NUBPL: variants seen among roughly 807,000 people sequenced by gnomAD.
The protein encoded by NUBPL is iron-sulfur cluster transfer protein NUBPL.
NUBPL carries 31 observed loss-of-function variants against 45.7 expected under a neutral mutation model. The observed-to-expected ratio is 0.68, with a 90% CI of 0.51 to 0.92. The LOEUF (loss-of-function observed/expected upper bound fraction) is 0.92. Among genes scored for constraint, NUBPL ranks in the 40% least tolerant of loss-of-function variants. The pLI is 0.00. For synonymous variants in NUBPL, 144 were observed against 140.9 expected (o/e 1.02, Z -0.15); for missense variants, 401 against 398.7 (o/e 1.01, Z -0.05).
intron 3 of NUBPL, among the ~76,000 whole-genome samples, chr14:31,587,994 T>C (rs2034038207): frequency 6.6e-6 from 1 of 152,214 alleles, no homozygotes; most frequent in African/African-American, 2.4e-5. Context: ...CTTCCGTGCA[T>C]AAAGAGGTCT....
rs557359562 is a variant in NUBPL, at chr14:31,860,645, A to G, written c.*1465A>G. ...ACAGTTGTCAACTAGAAAATTAGGC[A>G]TAGAGTTTCACATTATTATAAGCAT... On this transcript the variant is annotated 3_prime_UTR_variant, in exon 11 of 11. Transcript: ENST00000281081. The G allele has an allele frequency of 2.6e-5, 4 of 152,322 alleles. No homozygotes were observed. In the East Asian group the frequency reaches 7.7e-4, roughly 29 times the overall value. The allele number at this position is 152,322 out of a possible 1,614,324, so 9.4% of individuals were successfully genotyped here.
At chr14:31,622,796 A>G (rs1026311683) in intron 4 of NUBPL, among the ~76,000 whole-genome samples, 9 of 152,266 alleles carry the variant, frequency 5.9e-5, no homozygotes, top group African/African-American at 1.9e-4. Context: ...AGTCTGCTGC[A>G]GGGGCAGAGC....
Position 31,791,406 on chromosome 14 carries a change from A to G in NUBPL, c.607+3533A>G, listed in dbSNP as rs117782339. Among the ~76,000 whole-genome samples, 705 of 152,318 alleles carry G rather than the reference A, an allele frequency of 4.6e-3. 2 individuals carry two copies. Among genetic ancestry groups the G allele is most frequent in the Non-Finnish European group, 8.1e-3 (554 of 68,016 alleles). On this transcript the variant is annotated intron_variant, in intron 7 of 10. Coordinates refer to ENST00000281081, the MANE Select transcript of NUBPL (RefSeq NM_025152.3). ...AATGCCTAGCACTATAGAGAAGAAA[A>G]GGATAAGTAAGTCTATTCCCTAGAC...
intron 7 of NUBPL, among the ~76,000 whole-genome samples, chr14:31,813,802 T>C (rs1024388183): frequency 3.0e-4 from 46 of 152,224 alleles, no homozygotes; most frequent in African/African-American, 1.1e-3. Context: ...TATCTGTTCC[T>C]GTGTTAGTTT....
chr14:31,836,349 G>T (rs1219916140), intron 8 of NUBPL, among the ~76,000 whole-genome samples: 1 of 152,098 alleles, frequency 6.6e-6, no homozygotes, highest in East Asian at 1.9e-4. Flanking sequence ...AAATGATTGA[G>T]CATGCTTACA....
rs140049022 is a variant in NUBPL, at chr14:31,824,936, C to T, written c.608-1693C>T. ...TTAGGTTATCATCTAGAGGGAACCA[C>T]AAAATTAAAAAAAAATTCACGGATT... is the stretch of plus-strand genomic sequence containing the variant. On this transcript the variant is annotated intron_variant, in intron 7 of 10. Coordinates refer to ENST00000281081, the MANE Select transcript of NUBPL (RefSeq NM_025152.3). Among the ~76,000 whole-genome samples, 38 of 151,890 alleles carry T rather than the reference C, an allele frequency of 2.5e-4. No homozygotes were observed. In the East Asian group the frequency reaches 6.4e-3, roughly 25 times the overall value.
intron 4 of NUBPL, among the ~76,000 whole-genome samples, chr14:31,640,462 A>G (rs1446871989): frequency 3.9e-5 from 6 of 151,958 alleles, no homozygotes; most frequent in African/African-American, 1.4e-4. Context: ...TAGTAAAAAT[A>G]CAAAAATTAG....
intron 6 of NUBPL, among the ~76,000 whole-genome samples, chr14:31,725,876 A>C (rs2139962337): frequency 6.6e-6 from 1 of 151,706 alleles, no homozygotes; most frequent in South Asian, 2.1e-4. Flanking sequence ...CGCCCAGATA[A>C]TTTTTGTATT....
chr14:31,774,462 A>C (rs1269965156), intron 6 of NUBPL, among the ~76,000 whole-genome samples: 2 of 152,198 alleles, frequency 1.3e-5, no homozygotes, highest in Non-Finnish European at 2.9e-5. Flanking sequence ...TGTTCCCAGA[A>C]TCTTTCAGAG....
chr14:31,710,247 C>T (rs1256864496), intron 6 of NUBPL, among the ~76,000 whole-genome samples: 2 of 152,106 alleles, frequency 1.3e-5, no homozygotes, highest in Non-Finnish European at 2.9e-5. Context: ...AATGACAAAA[C>T]CGCCCGCAGA....
chr14:31,753,372 C>T (rs1241565771), intron 6 of NUBPL, among the ~76,000 whole-genome samples: 1 of 152,094 alleles, frequency 6.6e-6, no homozygotes. Flanking sequence ...GGTGCTGGCC[C>T]ACCATTCCTC....
intron 8 of NUBPL, among the ~76,000 whole-genome samples, chr14:31,843,157 T>G (rs1047815206): frequency 2.0e-5 from 3 of 152,236 alleles, no homozygotes; most frequent in African/African-American, 4.8e-5. Context: ...GCTGGAGGCT[T>G]GCTTGTCATC....
rs749672974 is a variant in NUBPL, at chr14:31,562,157, T to C, written c.198T>C (p.Val66=). The change falls in exon 2 of 11, where the codon GTT becomes GTC. Residue 66 remains valine (V), a synonymous_variant. Transcript: ENST00000281081. ...CAAAGCAGAAACCGATAGAAGGTGT[T>C]AAACAAGTTATAGTTGTGGCTTCTG... is the stretch of plus-strand genomic sequence containing the variant. ...GLPKQKPIEG[V]KQVIVVASGK... is the part of the protein sequence containing the mutation. 1.9e-6 allele frequency: 3 copies of C among 1,613,986 alleles called. No homozygotes were observed. In the East Asian group the frequency reaches 6.7e-5, roughly 36 times the overall value.
intron 4 of NUBPL, among the ~76,000 whole-genome samples, chr14:31,647,851 C>T (rs1437415527): frequency 6.6e-6 from 1 of 152,168 alleles, no homozygotes; most frequent in Non-Finnish European, 1.5e-5. Context: ...TTATTTGTAC[C>T]CATTGAAAAT....
At chr14:31,809,649 C>T (rs1204733870) in intron 7 of NUBPL, among the ~76,000 whole-genome samples, 1 of 152,016 alleles carries the variant, frequency 6.6e-6, no homozygotes, top group Non-Finnish European at 1.5e-5. Flanking sequence ...TATTTCTTGC[C>T]TTCTGCTAGT....
intron 6 of NUBPL, among the ~76,000 whole-genome samples, chr14:31,760,483 C>G (rs1196519619): frequency 6.6e-6 from 1 of 152,096 alleles, no homozygotes; most frequent in Non-Finnish European, 1.5e-5. Context: ...TTGACCAACA[C>G]TCCCCCATTC....
intron 7 of NUBPL, among the ~76,000 whole-genome samples, chr14:31,812,296 A>G (rs886443514): frequency 6.6e-6 from 1 of 151,900 alleles, no homozygotes; most frequent in African/African-American, 2.4e-5. Context: ...GGTGGGCTCC[A>G]CCTAGTTCCA....
At chr14:31,684,497 G>T (rs763947805) in intron 6 of NUBPL, among the ~76,000 whole-genome samples, 1 of 152,098 alleles carries the variant, frequency 6.6e-6, no homozygotes, top group Non-Finnish European at 1.5e-5. Flanking sequence ...AGAAGTTTTG[G>T]GGACCACTCT....
chr14:31,852,426 A>C (rs1372623999), intron 10 of NUBPL, among the ~76,000 whole-genome samples: 8 of 152,178 alleles, frequency 5.3e-5, no homozygotes. Context: ...TAATCCCAGC[A>C]CTTTGGGAGG....
Sources: allele counts gnomAD v4.1 joint callset (sites outside exome capture counted in the v4.1 genomes callset), GRCh38; gene constraint gnomAD v4.1.1; transcripts MANE v1.5; gene names NCBI Gene and HGNC (gene_info 2026-07-23, HGNC 2026-07-21).